Variants in CACNA1A observed in about 807,000 individuals in gnomAD.
CACNA1A encodes the protein voltage-dependent P/Q-type calcium channel subunit alpha-1A.
CACNA1A carries 57 observed loss-of-function variants against 262.4 expected under a neutral mutation model. The observed-to-expected ratio is 0.22, with a 90% CI of 0.18 to 0.27. The LOEUF (loss-of-function observed/expected upper bound fraction) is 0.27, where lower values mean the gene tolerates loss of function less well. Ranked by LOEUF, CACNA1A falls within the 10% of genes least tolerant of loss-of-function variation. The probability of loss-of-function intolerance (pLI) is 1.00; values close to 1 mark genes in which losing one functional copy is unlikely to be tolerated. For missense variants in CACNA1A, 2,526 were observed against 3,562.8 expected (o/e 0.71, Z 7.41); for synonymous variants, 1,431 against 1,419.3 (o/e 1.01, Z -0.18).
At chr19:13,328,753 C>T (rs534894185) in intron 10 of CACNA1A, among the ~76,000 whole-genome samples, 59 of 151,990 alleles carry the variant, frequency 3.9e-4, no homozygotes, top group African/African-American at 6.0e-4. Context: ...ATCCACCCTA[C>T]GAGATATGTG....
intron 23 of CACNA1A, among the ~76,000 whole-genome samples, chr19:13,276,695 C>G (rs2057156387): frequency 1.1e-5 from 1 of 89,916 alleles, no homozygotes; most frequent in Admixed American, 1.2e-4. Flanking sequence ...GGAATCCCAG[C>G]TCTTTTTTTT....
chr19:13,384,689 A>C (rs1206869603), intron 3 of CACNA1A, among the ~76,000 whole-genome samples: 1 of 152,168 alleles, frequency 6.6e-6, no homozygotes, highest in Non-Finnish European at 1.5e-5. Context: ...GATGAGAGTG[A>C]AACTCCATCT....
In CACNA1A at chr19:13,286,505, T is replaced by G; in HGVS notation, c.3551A>C (p.Gln1184Pro). 1 of 1,259,496 alleles carries G rather than the reference T, an allele frequency of 7.9e-7. No homozygotes were observed. The highest frequency in any genetic ancestry group is 1.1e-6 in the Non-Finnish European group (1 of 924,328). The allele number at this position is 1,259,496 out of a possible 1,614,324, so 78.0% of individuals were successfully genotyped here. The change falls in exon 20 of 47, where the codon CAA (glutamine) becomes CCA (proline). Residue 1184 changes from glutamine (Q) to proline (P), a missense_variant and splice_region_variant. Gln to Pro is a moderately conservative substitution (Grantham distance 76). Transcript: ENST00000360228. ...CPPPLNHTVV[Q>P]VNKNANPDPL... ...GATGTGAGAGCAGAGGGTCTCACCT[T>G]GTACGACGGTGTGGTTGAGGGGGGG... is the stretch of plus-strand genomic sequence containing the variant.
intron 23 of CACNA1A, among the ~76,000 whole-genome samples, chr19:13,276,697 CTT>C (rs33970596): frequency 3.2e-5 from 4 of 125,446 alleles, no homozygotes; most frequent in Non-Finnish European, 6.6e-5. Context: ...AATCCCAGCT[CTT>C]TTTTTTTTTT....
chr19:13,331,589 T>C (rs1030743170), intron 9 of CACNA1A, among the ~76,000 whole-genome samples: 2 of 152,226 alleles, frequency 1.3e-5, no homozygotes, highest in African/African-American at 4.8e-5. Flanking sequence ...AGCAAGAAGT[T>C]GCATTTTTCA....
At chr19:13,386,197 C>T (rs2059610166) in intron 3 of CACNA1A, among the ~76,000 whole-genome samples, 1 of 151,808 alleles carries the variant, frequency 6.6e-6, no homozygotes, top group Admixed American at 6.6e-5. Context: ...ACACAGTTGT[C>T]CATCCAAGAG....
At chr19:13,287,047 C>A (rs1475715283) in intron 19 of CACNA1A, 81 bp from the exon 20 acceptor site, 4 of 1,189,234 alleles carry the variant, frequency 3.4e-6, no homozygotes, top group Non-Finnish European at 3.5e-6. Context: ...AGCTAAGATT[C>A]CATCTTTCAA....
intron 4 of CACNA1A, chr19:13,365,803 G>A (rs980969836): frequency 5.1e-6 from 1 of 196,622 alleles, no homozygotes; most frequent in African/African-American, 2.3e-5. Context: ...CAATAGCTAG[G>A]ACTACAGGCA....
chr19:13,354,550 G>A (rs984382761), intron 6 of CACNA1A, among the ~76,000 whole-genome samples: 11 of 152,152 alleles, frequency 7.2e-5, no homozygotes, highest in African/African-American at 2.7e-4. Context: ...ATTGACAGAC[G>A]CTACTCGTTG....
intron 3 of CACNA1A, among the ~76,000 whole-genome samples, chr19:13,410,755 T>C (rs1403041531): frequency 6.6e-6 from 1 of 152,064 alleles, no homozygotes; most frequent in East Asian, 1.9e-4. Flanking sequence ...CAATGGTTGA[T>C]TCTCATTTTT....
chr19:13,411,376 T>C (rs182776405), intron 3 of CACNA1A, among the ~76,000 whole-genome samples: 23 of 152,338 alleles, frequency 1.5e-4, no homozygotes, highest in Non-Finnish European at 3.2e-4. Flanking sequence ...TGGAGATAAC[T>C]GAATCATGGG....
At chr19:13,325,634 C>T (rs1455973916) in intron 10 of CACNA1A, among the ~76,000 whole-genome samples, 1 of 152,164 alleles carries the variant, frequency 6.6e-6, no homozygotes, top group African/African-American at 2.4e-5. Context: ...AAAGTTTCGC[C>T]ATGTTGGCCA....
At chr19:13,237,241 G>A (rs2055908164) in intron 31 of CACNA1A, among the ~76,000 whole-genome samples, 3 of 152,094 alleles carry the variant, frequency 2.0e-5, no homozygotes, top group African/African-American at 4.8e-5. Flanking sequence ...TCCTTCGCTG[G>A]CCAGTACCCA....
chr19:13,394,009 A>G (rs1016696661), intron 3 of CACNA1A, among the ~76,000 whole-genome samples: 1 of 152,104 alleles, frequency 6.6e-6, no homozygotes, highest in African/African-American at 2.4e-5. Context: ...AAAATCACTC[A>G]AGCTCTACTT....
chr19:13,319,223 T>C (rs72995565), intron 10 of CACNA1A, among the ~76,000 whole-genome samples: 1,863 of 152,336 alleles, frequency 0.012, 19 homozygotes, highest in Non-Finnish European at 0.021. Context: ...AAACCCTCAG[T>C]TGCATTCATT....
At chr19:13,390,421 G>C (rs2059690941) in intron 3 of CACNA1A, among the ~76,000 whole-genome samples, 1 of 152,044 alleles carries the variant, frequency 6.6e-6, no homozygotes, top group Non-Finnish European at 1.5e-5. Context: ...CCCTCATGTA[G>C]CCTTGATCAA....
At position 13,300,563 on chromosome 19, in the gene CACNA1A, T is replaced by G. The variant is rs774992475; in HGVS notation, c.2266A>C (p.Met756Leu). ...AEVSPLSAAN[M>L]SIAVKEQQKN... ...AGGGGCACTTACACAGCTATAGACA[T>G]GTTGGCCGCGGACAGAGGACTCACT... The change falls in exon 18 of 47, where the codon ATG becomes CTG. Residue 756 changes from methionine (M) to leucine (L), a missense_variant. Coordinates refer to ENST00000360228, the MANE Select transcript of CACNA1A (RefSeq NM_001127222.2). 1 of 1,612,562 alleles carries G rather than the reference T, an allele frequency of 6.2e-7. No individual in the cohort carries two copies. Among genetic ancestry groups the G allele is most frequent in the Non-Finnish European group, 8.5e-7 (1 of 1,178,708 alleles).
intron 3 of CACNA1A, among the ~76,000 whole-genome samples, chr19:13,395,570 C>A (rs982235012): frequency 2.4e-4 from 37 of 151,588 alleles, no homozygotes; most frequent in African/African-American, 8.7e-4. Context: ...CGAGATTGTG[C>A]CACTGTACTC....
intron 3 of CACNA1A, among the ~76,000 whole-genome samples, chr19:13,398,260 C>T (rs1223372435): frequency 9.4e-5 from 14 of 148,872 alleles, no homozygotes; most frequent in South Asian, 2.1e-4. Flanking sequence ...AAAACTCCGT[C>T]GCAAAAGAAA....
Sources: gnomAD v4.1 joint callset for allele counts (sites outside exome capture counted in the v4.1 genomes callset) on GRCh38, gnomAD v4.1.1 for gene constraint, MANE v1.5 for transcripts, NCBI Gene and HGNC (gene_info 2026-07-23, HGNC 2026-07-21) for gene names.